Variants in POLN observed in about 807,000 individuals in gnomAD.
POLN encodes the protein DNA polymerase N.
POLN carries 108 observed loss-of-function variants against 113.5 expected under a neutral mutation model. That is an observed-to-expected ratio of 0.95 (90% CI 0.81 to 1.12). The LOEUF is 1.12. Ranked by LOEUF, POLN falls within the 50% of genes most tolerant of loss-of-function variation. POLN has a pLI of 0.00. For missense variants in POLN, 1,097 were observed against 1,077.1 expected (o/e 1.02, Z -0.26); for synonymous variants, 386 against 391.5 (o/e 0.99, Z 0.17).
At chr4:2,108,647 T>C (rs1220002341) in intron 19 of POLN, among the ~76,000 whole-genome samples, 1 of 152,152 alleles carries the variant, frequency 6.6e-6, no homozygotes, top group African/African-American at 2.4e-5. Flanking sequence ...AGAATACTTT[T>C]AGGGTAATTT....
chr4:2,114,362 A>T (rs976398837), intron 19 of POLN, among the ~76,000 whole-genome samples: 5 of 152,194 alleles, frequency 3.3e-5, no homozygotes, highest in African/African-American at 1.2e-4. Context: ...CCAGGGTTTT[A>T]TGTGGTATAA....
At chr4:2,170,869 A>G in intron 12 of POLN, 95 bp from the exon 13 acceptor site, 1 of 1,114,338 alleles carries the variant, frequency 9.0e-7, no homozygotes, top group African/African-American at 1.5e-5. Context: ...GCCAGAGAAG[A>G]CACACCCAAA....
In POLN at chr4:2,208,408, T is replaced by C; in HGVS notation, c.293A>G (p.Asp98Gly). The change falls in exon 5 of 26, where the codon GAT (aspartate) becomes GGT (glycine). Residue 98 changes from aspartate (D) to glycine (G), a missense_variant. Physicochemically the swap from Asp to Gly is moderately conservative, Grantham distance 94. Coordinates refer to ENST00000511885, the MANE Select transcript of POLN (RefSeq NM_181808.4). ...SPQSFSVRLT[D>G]QLSADQKQKS... Reference sequence around the variant, plus strand: ...CTGTTTTTGGTCAGCAGACAGCTGATCTGTGAGCCTGACACTGAAGGACTG... The same window carrying C: ...CTGTTTTTGGTCAGCAGACAGCTGACCTGTGAGCCTGACACTGAAGGACTG... The C allele has an allele frequency of 6.2e-7, 1 of 1,609,788 alleles. No individual in the cohort carries two copies.
chr4:2,129,306 C>T (rs377602033), intron 17 of POLN, 50 bp from the exon 18 acceptor site: 12 of 1,129,022 alleles, frequency 1.1e-5, no homozygotes, highest in African/African-American at 1.5e-5. Context: ...TGAACTGATG[C>T]ATAGCTATTC....
intron 7 of POLN, among the ~76,000 whole-genome samples, chr4:2,189,113 A>G (rs1733368559): frequency 6.6e-6 from 1 of 152,248 alleles, no homozygotes; most frequent in Admixed American, 6.5e-5. Flanking sequence ...AAATTAAAAG[A>G]TACTACCAGA....
chr4:2,187,135 C>A (rs1294123377), intron 7 of POLN, among the ~76,000 whole-genome samples: 1 of 152,068 alleles, frequency 6.6e-6, no homozygotes, highest in African/African-American at 2.4e-5. Context: ...CTCAAAAGAG[C>A]AAATCTAAGA....
At chr4:2,190,890 T>C (rs906659298) in intron 7 of POLN, among the ~76,000 whole-genome samples, 3 of 152,122 alleles carry the variant, frequency 2.0e-5, no homozygotes, top group African/African-American at 7.2e-5. Flanking sequence ...GGTGAGGATA[T>C]GGAGAAAGGG....
chr4:2,171,972 A>G (rs183539754), intron 11 of POLN, among the ~76,000 whole-genome samples: 6 of 152,350 alleles, frequency 3.9e-5, no homozygotes, highest in Non-Finnish European at 8.8e-5. Flanking sequence ...GGTAGAAAGT[A>G]TAGGAAACAG....
intron 24 of POLN, among the ~76,000 whole-genome samples, chr4:2,073,650 C>T (rs1455395559): frequency 6.6e-6 from 1 of 152,250 alleles, no homozygotes; most frequent in African/African-American, 2.4e-5. Context: ...CCCGCAAGCT[C>T]AGGCTTTCTC....
intron 4 of POLN, among the ~76,000 whole-genome samples, chr4:2,212,674 C>CT (rs1428625850): frequency 3.3e-5 from 5 of 152,144 alleles, no homozygotes; most frequent in African/African-American, 4.8e-5. Flanking sequence ...GTGTGAGCCA[C>CT]TGCATCCAGC....
At chr4:2,178,129 A>T (rs1344202627) in intron 8 of POLN, among the ~76,000 whole-genome samples, 1 of 152,248 alleles carries the variant, frequency 6.6e-6, no homozygotes, top group African/African-American at 2.4e-5. Flanking sequence ...ACATGAGGCA[A>T]ATATCCCCAG....
At chr4:2,137,533 G>A (rs1335688538) in intron 16 of POLN, among the ~76,000 whole-genome samples, 2 of 152,172 alleles carry the variant, frequency 1.3e-5, no homozygotes, top group Admixed American at 6.5e-5. Context: ...AGCCTGAAGG[G>A]CAGTGTGGCC....
chr4:2,085,453 C>A (rs145150301), intron 21 of POLN, among the ~76,000 whole-genome samples, 160 bp downstream of exon 21: 17 of 152,302 alleles, frequency 1.1e-4, no homozygotes, highest in East Asian at 3.9e-4. Context: ...TCGTGTGGAA[C>A]CTTCAGCCTT....
intron 5 of POLN, among the ~76,000 whole-genome samples, chr4:2,202,274 C>T (rs1310469751): frequency 6.6e-6 from 1 of 152,176 alleles, no homozygotes; most frequent in African/African-American, 2.4e-5. Context: ...AATTCACCAA[C>T]CAACCATCTG....
intron 5 of POLN, among the ~76,000 whole-genome samples, chr4:2,200,288 CAGAG>C (rs1472473900): frequency 6.6e-6 from 1 of 152,114 alleles, no homozygotes; most frequent in Non-Finnish European, 1.5e-5. Flanking sequence ...CGCCAATAAT[CAGAG>C]AGAATTAGGA....
At chr4:2,225,865 G>A (rs1182009225) in intron 3 of POLN, among the ~76,000 whole-genome samples, 1 of 151,920 alleles carries the variant, frequency 6.6e-6, no homozygotes, top group African/African-American at 2.4e-5. Context: ...GCCAGACACA[G>A]TAGCAAGTGC....
At chr4:2,090,429 T>G in intron 20 of POLN, 2 of 600,864 alleles carry the variant, frequency 3.3e-6, no homozygotes, top group East Asian at 2.7e-5. Flanking sequence ...AATTGAAAGA[T>G]TCTTTCAGAT....
chr4:2,094,650 G>C (rs1468007948), intron 20 of POLN, among the ~76,000 whole-genome samples: 3 of 152,222 alleles, frequency 2.0e-5, no homozygotes, highest in Non-Finnish European at 4.4e-5. Flanking sequence ...GATGGGTTCT[G>C]GTGGTACAGG....
At chr4:2,152,244 T>C (rs991208370) in intron 16 of POLN, among the ~76,000 whole-genome samples, 2 of 151,600 alleles carry the variant, frequency 1.3e-5, no homozygotes, top group African/African-American at 4.8e-5. Flanking sequence ...CACCATGTTG[T>C]CCAGCCTGGT....
Sources: allele counts gnomAD v4.1 joint callset (sites outside exome capture counted in the v4.1 genomes callset), GRCh38; gene constraint gnomAD v4.1.1; transcripts MANE v1.5; gene names NCBI Gene and HGNC (gene_info 2026-07-23, HGNC 2026-07-21).